The following SORD variants were observed in gnomAD, a reference collection of about 807,000 sequenced individuals.
The protein encoded by SORD is (R,R)-butanediol dehydrogenase.
A neutral mutation model predicts 35.6 loss-of-function variants in SORD; 18 were observed. The observed-to-expected ratio is 0.51, with a 90% CI of 0.35 to 0.75. The LOEUF is 0.75. Ranked by LOEUF, SORD falls within the 30% of genes least tolerant of loss-of-function variation. SORD has a pLI of 0.01. For synonymous variants in SORD, 106 were observed against 152.9 expected (o/e 0.69, Z 2.26); for missense variants, 250 against 390.2 (o/e 0.64, Z 3.03).
intron 1 of SORD, among the ~76,000 whole-genome samples, chr15:45,035,222 G>T (rs578079077): frequency 3.0e-4 from 46 of 152,320 alleles, no homozygotes; most frequent in Non-Finnish European, 6.3e-4. Context: ...GAGTGTGGGC[G>T]CACGGTGCGG....
intron 2 of SORD, chr15:45,041,854 T>C (rs1002704589): frequency 7.2e-5 from 11 of 152,286 alleles, no homozygotes; most frequent in Middle Eastern, 3.4e-3. Context: ...TTTCAGCGAG[T>C]GTTCTAGCAA....
intron 3 of SORD, among the ~76,000 whole-genome samples, chr15:45,060,729 G>A (rs1893288651): frequency 1.3e-5 from 1 of 77,502 alleles, no homozygotes; most frequent in Non-Finnish European, 2.7e-5. Context: ...GCTGGGAAGT[G>A]GCTGTGGAGA....
At chr15:45,029,860 C>T (rs1373744025) in intron 1 of SORD, among the ~76,000 whole-genome samples, 2 of 152,234 alleles carry the variant, frequency 1.3e-5, no homozygotes, top group African/African-American at 4.8e-5. Flanking sequence ...TGTCTCCTCC[C>T]CGAAGTCAGG....
intron 4 of SORD, among the ~76,000 whole-genome samples, chr15:45,061,634 A>G (rs1210443090): frequency 6.6e-6 from 1 of 151,906 alleles, no homozygotes. Context: ...TTAGGAGGCC[A>G]AGGCCAGTGG....
intron 3 of SORD, among the ~76,000 whole-genome samples, chr15:45,057,510 C>T (rs1263279609): frequency 1.3e-5 from 2 of 152,244 alleles, no homozygotes; most frequent in Non-Finnish European, 2.9e-5. Context: ...TTTGGCTGGG[C>T]GTGGTGGCTC....
At chr15:45,036,020 G>A (rs1566957951) in intron 1 of SORD, among the ~76,000 whole-genome samples, 2 of 149,588 alleles carry the variant, frequency 1.3e-5, no homozygotes, top group African/African-American at 5.0e-5. Context: ...CGAACCCACC[G>A]GGAGGAACAA....
chr15:45,046,885 G>A (rs113508215), intron 3 of SORD, among the ~76,000 whole-genome samples: 2,416 of 152,212 alleles, frequency 0.016, 18 homozygotes, highest in Middle Eastern at 0.031. Flanking sequence ...AGACGTGGTG[G>A]CATGCATCTG....
At chr15:45,023,673 T>G (rs1405639548) in intron 1 of SORD, among the ~76,000 whole-genome samples, 1 of 152,246 alleles carries the variant, frequency 6.6e-6, no homozygotes, top group East Asian at 1.9e-4. Flanking sequence ...CTCTTGTCAT[T>G]GACCTTTCCA....
chr15:45,063,578 G>C (rs1269282573), intron 4 of SORD, among the ~76,000 whole-genome samples: 1 of 152,112 alleles, frequency 6.6e-6, no homozygotes, highest in Non-Finnish European at 1.5e-5. Context: ...GCTGTGTTGG[G>C]TGCAGGCGGA....
chr15:45,029,444 A>G (rs1252437340), intron 1 of SORD, among the ~76,000 whole-genome samples: 5 of 152,232 alleles, frequency 3.3e-5, no homozygotes, highest in Non-Finnish European at 7.3e-5. Context: ...TGCGGGATCC[A>G]GCCAGCTGCT....
chr15:45,047,810 T>C (rs1220473916), intron 3 of SORD, among the ~76,000 whole-genome samples: 1 of 152,092 alleles, frequency 6.6e-6, no homozygotes, highest in Non-Finnish European at 1.5e-5. Flanking sequence ...GAAGGGGAGA[T>C]TTCTGCTGTT....
At position 45,055,203 on chromosome 15, in the gene SORD, G is replaced by A. The variant is rs192812269; in HGVS notation, c.266-5864G>A. 2.0e-4 allele frequency among the ~76,000 whole-genome samples: 30 copies of A among 152,250 alleles called. No individual in the cohort carries two copies. In the East Asian group the frequency reaches 5.4e-3, roughly 27 times the overall value. ...TAAAGAAAGTCATTGGTAGCTTGAT[G>A]GGGATGGCATTGAATCTATAAATTA... is the stretch of plus-strand genomic sequence containing the variant. On this transcript the variant is annotated intron_variant, in intron 3 of 8. Transcript: ENST00000267814.
At chr15:45,055,192 G>A (rs1893196018) in intron 3 of SORD, among the ~76,000 whole-genome samples, 1 of 152,132 alleles carries the variant, frequency 6.6e-6, no homozygotes, top group African/African-American at 2.4e-5. Flanking sequence ...GAAAGTCATT[G>A]GTAGCTTGAT....
chr15:45,035,300 A>AT (rs1035599612), intron 1 of SORD, among the ~76,000 whole-genome samples: 2 of 152,128 alleles, frequency 1.3e-5, no homozygotes, highest in Non-Finnish European at 2.9e-5. Flanking sequence ...TGGGCTCCTG[A>AT]GTCTAGTGGG....
At chr15:45,061,881 A>G (rs1173481668) in intron 4 of SORD, among the ~76,000 whole-genome samples, 1 of 151,910 alleles carries the variant, frequency 6.6e-6, no homozygotes, top group Non-Finnish European at 1.5e-5. Context: ...AAAGAAAAAC[A>G]ACAACAATGA....
intron 4 of SORD, among the ~76,000 whole-genome samples, chr15:45,062,484 C>A (rs1893334963): frequency 6.6e-6 from 1 of 151,950 alleles, no homozygotes. Flanking sequence ...TGGTGGTTTT[C>A]AGCCAGGATG....
intron 1 of SORD, among the ~76,000 whole-genome samples, chr15:45,039,965 T>C (rs1219306315): frequency 1.3e-5 from 2 of 152,180 alleles, no homozygotes; most frequent in Non-Finnish European, 2.9e-5. Context: ...CTGTGCTTTT[T>C]CCTTAGTCCT....
chr15:45,069,957 G>A (rs1433099740), intron 7 of SORD: 3 of 152,226 alleles, frequency 2.0e-5, no homozygotes, highest in African/African-American at 7.2e-5. Flanking sequence ...GTGGGAGGGA[G>A]TGTCATTGAC....
chr15:45,052,001 A>G (rs935942838), intron 3 of SORD, among the ~76,000 whole-genome samples: 8 of 152,204 alleles, frequency 5.3e-5, no homozygotes, highest in African/African-American at 1.9e-4. Context: ...CTTCAGCTTT[A>G]TCTTAACCTA....
Sources: allele counts gnomAD v4.1 joint callset (sites outside exome capture counted in the v4.1 genomes callset), GRCh38; gene constraint gnomAD v4.1.1; transcripts MANE v1.5; gene names NCBI Gene and HGNC (gene_info 2026-07-23, HGNC 2026-07-21).